Variants in CEP63 observed in about 807,000 individuals in gnomAD.
CEP63 encodes centrosomal protein of 63 kDa.
CEP63 carries 84 observed loss-of-function variants against 89.1 expected under a neutral mutation model. The observed-to-expected ratio is 0.94, with a 90% CI of 0.79 to 1.13. CEP63 has a LOEUF of 1.13. CEP63 is among the 50% of genes most tolerant of loss of function. The probability of loss-of-function intolerance (pLI) is 0.00; values close to 1 mark genes in which losing one functional copy is unlikely to be tolerated. For synonymous variants in CEP63, 267 were observed against 272.5 expected, an observed-to-expected ratio of 0.98 and a Z score of 0.20; for missense variants, 838 against 813.3, an observed-to-expected ratio of 1.03 and a Z score of -0.37.
At chr3:134,544,129 AAAT>A (rs1218876677) in intron 6 of CEP63, among the ~76,000 whole-genome samples, 1 of 152,222 alleles carries the variant, frequency 6.6e-6, no homozygotes, top group Non-Finnish European at 1.5e-5. Context: ...CCTGTACTGT[AAAT>A]AATAAAATCT....
the CEP63 span, among the ~76,000 whole-genome samples, chr3:134,764,755 G>A: frequency 6.6e-6 from 1 of 152,100 alleles, no homozygotes; most frequent in South Asian, 2.1e-4. Flanking sequence ...ACTCTCATCT[G>A]CAGTGACATC....
At chr3:134,683,034 A>C in the CEP63 span, among the ~76,000 whole-genome samples, 1 of 152,150 alleles carries the variant, frequency 6.6e-6, no homozygotes, top group South Asian at 2.1e-4. Context: ...TGCCTCCCCT[A>C]CCTCTGAAAG....
At chr3:134,603,920 T>C in the CEP63 span, 1 of 1,613,852 alleles carries the variant, frequency 6.2e-7, no homozygotes, top group Non-Finnish European at 8.5e-7. Context: ...AAGACGAAGA[T>C]GTAGTTTCCT....
the CEP63 span, among the ~76,000 whole-genome samples, chr3:134,774,698 C>T: frequency 1.3e-5 from 2 of 152,278 alleles, no homozygotes; most frequent in East Asian, 3.9e-4. Flanking sequence ...GAGCGGGGTT[C>T]AAGCCCATTT....
intron 11 of CEP63, among the ~76,000 whole-genome samples, chr3:134,551,357 A>AT (rs1954781450): frequency 6.6e-6 from 1 of 152,142 alleles, no homozygotes; most frequent in Non-Finnish European, 1.5e-5. Context: ...GATACTTCTC[A>AT]TTTAGTGTAA....
rs774190027 is a variant in CEP63, at chr3:134,561,477, T to C, written c.2054T>C (p.Ile685Thr). The C allele has an allele frequency of 6.8e-6, 11 of 1,613,882 alleles. No individual in the cohort carries two copies. Among genetic ancestry groups the C allele is most frequent in the African/African-American group, 2.7e-5 (2 of 74,896 alleles). Reference sequence around the variant, plus strand: ...ATTCTAGAGCGCTTGGATGCCCATATTGAAGAACTAAAAAGAGAGAGTGAA... The same window carrying C: ...ATTCTAGAGCGCTTGGATGCCCATACTGAAGAACTAAAAAGAGAGAGTGAA... The part of the protein sequence containing the change: ...HHILERLDAH[I>T]EELKRESEKT... Residue 685 changes from isoleucine to threonine, a missense_variant, in exon 15 of 15, where the codon ATT becomes ACT. Transcript: ENST00000675561.
chr3:134,582,988 T>C (rs542227048), intron 10 of CEP63, among the ~76,000 whole-genome samples: 1 of 152,356 alleles, frequency 6.6e-6, no homozygotes, highest in East Asian at 1.9e-4. Flanking sequence ...TTTTGAGAAG[T>C]GTCTGTTCAT....
At chr3:134,606,269 C>T in the CEP63 span, among the ~76,000 whole-genome samples, 7 of 152,178 alleles carry the variant, frequency 4.6e-5, no homozygotes, top group Non-Finnish European at 7.3e-5. Flanking sequence ...CCCCAGGGCT[C>T]CTTTGAAAAC....
the CEP63 span, among the ~76,000 whole-genome samples, chr3:134,776,307 G>T: frequency 6.6e-6 from 1 of 152,096 alleles, no homozygotes; most frequent in African/African-American, 2.4e-5. Context: ...AAAAAGGTAA[G>T]ACAAACAAGT....
At chr3:134,490,922 C>T (rs373353031) in intron 1 of CEP63, among the ~76,000 whole-genome samples, 12 of 152,234 alleles carry the variant, frequency 7.9e-5, no homozygotes, top group African/African-American at 2.9e-4. Context: ...GATTGTTATT[C>T]CTTTTTACAG....
At chr3:134,518,464 G>A (rs1946702182) in intron 3 of CEP63, among the ~76,000 whole-genome samples, 1 of 152,116 alleles carries the variant, frequency 6.6e-6, no homozygotes, top group Admixed American at 6.5e-5. Context: ...ATTTAATCTA[G>A]AACTCAGAAC....
chr3:134,629,594 C>A, the CEP63 span: 3 of 1,566,154 alleles, frequency 1.9e-6, no homozygotes, highest in Non-Finnish European at 2.6e-6. Context: ...GCCAGCCCTC[C>A]ACCATGAGTA....
At chr3:134,582,820 C>T (rs1958392954) in intron 10 of CEP63, among the ~76,000 whole-genome samples, 1 of 152,214 alleles carries the variant, frequency 6.6e-6, no homozygotes, top group Non-Finnish European at 1.5e-5. Flanking sequence ...TTCTATTTCT[C>T]CACATCCTCT....
At chr3:134,652,703 T>C in the CEP63 span, among the ~76,000 whole-genome samples, 4 of 152,112 alleles carry the variant, frequency 2.6e-5, no homozygotes, top group Non-Finnish European at 5.9e-5. Context: ...ACTCTCTATG[T>C]GGCTGGGGAA....
chr3:134,638,320 G>A, the CEP63 span, among the ~76,000 whole-genome samples: 1 of 152,152 alleles, frequency 6.6e-6, no homozygotes, highest in Non-Finnish European at 1.5e-5. Flanking sequence ...ATATTAGTGT[G>A]GCCAATCTCT....
downstream of CEP63, among the ~76,000 whole-genome samples, chr3:134,567,207 T>C (rs997793536): frequency 1.2e-4 from 18 of 150,806 alleles, no homozygotes; most frequent in African/African-American, 2.7e-4. Context: ...TTGCCCAGAA[T>C]TGACAAATCT....
chr3:134,571,640 C>T (rs1232718831), intron 11 of CEP63, among the ~76,000 whole-genome samples: 2 of 152,130 alleles, frequency 1.3e-5, no homozygotes, highest in Non-Finnish European at 2.9e-5. Context: ...GAGATCGTGC[C>T]ACTGCACTCC....
At chr3:134,752,124 G>A in the CEP63 span, among the ~76,000 whole-genome samples, 3 of 152,146 alleles carry the variant, frequency 2.0e-5, no homozygotes, top group African/African-American at 4.8e-5. Flanking sequence ...GGGACATCTT[G>A]AGAACCCCAG....
downstream of CEP63, among the ~76,000 whole-genome samples, chr3:134,565,596 C>G (rs895869151): frequency 7.2e-5 from 11 of 151,726 alleles, no homozygotes; most frequent in Non-Finnish European, 1.5e-4. Context: ...ATAAATGCAT[C>G]AAAAAGTAAC....
Sources: gnomAD v4.1 joint callset for allele counts (sites outside exome capture counted in the v4.1 genomes callset) on GRCh38, gnomAD v4.1.1 for gene constraint, MANE v1.5 for transcripts, NCBI Gene and HGNC (gene_info 2026-07-23, HGNC 2026-07-21) for gene names.